The following PPP3CA variants were observed in gnomAD, a reference collection of about 807,000 sequenced individuals.
The protein encoded by PPP3CA is CAM-PRP catalytic subunit.
PPP3CA carries 14 observed loss-of-function variants against 66.5 expected under a neutral mutation model. That is an observed-to-expected ratio of 0.21 (90% CI 0.14 to 0.33). PPP3CA has a LOEUF of 0.33. PPP3CA is among the 10% of genes least tolerant of loss of function. PPP3CA has a pLI of 1.00. For synonymous variants in PPP3CA, 232 were observed against 226.2 expected (o/e 1.03, Z -0.23); for missense variants, 317 against 639.5 (o/e 0.50, Z 5.44).
At chr4:101,124,739 GAAAGAAAGAAAGAA>G (rs1722176288) in intron 2 of PPP3CA, among the ~76,000 whole-genome samples, 3 of 87,418 alleles carry the variant, frequency 3.4e-5, no homozygotes, top group South Asian at 4.5e-4. Context: ...AAGAAAGAAA[GAAAGAAAGAAAGAA>G]AGAAAGAAAG....
chr4:101,342,877 GCTA>G (rs1729860915), intron 1 of PPP3CA, among the ~76,000 whole-genome samples: 2 of 152,128 alleles, frequency 1.3e-5, no homozygotes, highest in African/African-American at 4.8e-5. Flanking sequence ...GTCTCACCCA[GCTA>G]GAAATACTAG....
At chr4:101,194,380 C>T (rs1265070016) in intron 2 of PPP3CA, among the ~76,000 whole-genome samples, 1 of 152,038 alleles carries the variant, frequency 6.6e-6, no homozygotes, top group Non-Finnish European at 1.5e-5. Context: ...TTAGCAATCA[C>T]TAATATATAT....
Position 101,052,103 on chromosome 4 carries a change from A to G in PPP3CA, c.1156+8984T>C, listed in dbSNP as rs1036750228. 2.9e-4 allele frequency among the ~76,000 whole-genome samples: 44 copies of G among 152,092 alleles called. 1 individual carries two copies. The highest frequency in any genetic ancestry group is 6.6e-5 in the Admixed American group (1 of 15,240). ...AAATTATGCCAGATAATTAAGAAACACATTTGTGCAATCATAGTAGTACAA... is the reference window on the plus strand; with the variant it reads ...AAATTATGCCAGATAATTAAGAAACGCATTTGTGCAATCATAGTAGTACAA... On this transcript the variant is annotated intron_variant, in intron 10 of 13. Transcript: ENST00000394854.
At chr4:101,276,476 T>C (rs1038479042) in intron 1 of PPP3CA, among the ~76,000 whole-genome samples, 1 of 152,248 alleles carries the variant, frequency 6.6e-6, no homozygotes, top group Non-Finnish European at 1.5e-5. Flanking sequence ...ATTCCTCTTA[T>C]GCCTTCTCAA....
At chr4:101,289,679 A>G (rs922133445) in intron 1 of PPP3CA, among the ~76,000 whole-genome samples, 1 of 152,056 alleles carries the variant, frequency 6.6e-6, no homozygotes, top group Non-Finnish European at 1.5e-5. Flanking sequence ...ACATTTTCAT[A>G]GATTTTTTTA....
intron 1 of PPP3CA, among the ~76,000 whole-genome samples, chr4:101,234,556 T>C (rs1477681241): frequency 6.6e-6 from 1 of 151,662 alleles, no homozygotes; most frequent in African/African-American, 2.4e-5. Flanking sequence ...TCTGTTCATG[T>C]CCTTTCCCCA....
intron 1 of PPP3CA, among the ~76,000 whole-genome samples, chr4:101,323,706 T>C (rs183259000): frequency 1.2e-4 from 18 of 152,348 alleles, no homozygotes; most frequent in Admixed American, 3.3e-4. Flanking sequence ...CAAATACTTA[T>C]ATAGCACTTA....
intron 1 of PPP3CA, among the ~76,000 whole-genome samples, chr4:101,273,296 CTT>C (rs879289931): frequency 3.4e-5 from 5 of 146,428 alleles, no homozygotes; most frequent in Non-Finnish European, 3.0e-5. Context: ...ATTAAAATTA[CTT>C]TTTTTTTTTT....
Position 101,099,629 on chromosome 4 carries a change from A to G in PPP3CA, c.478T>C (p.Phe160Leu). The G allele has an allele frequency of 6.3e-7, 1 of 1,581,656 alleles. No individual in the cohort carries two copies. The highest frequency in any genetic ancestry group is 1.8e-5 in the Admixed American group (1 of 56,490). Residue 160 changes from phenylalanine (F) to leucine (L), a missense_variant, in exon 4 of 14, where the codon TTC becomes CTC. Phe to Leu is a conservative substitution (Grantham distance 22, BLOSUM62 0). This residue lies in a region of PPP3CA where 201 missense variants were observed against 501.4 expected (regional missense o/e 0.40). Transcript: ENST00000394854. ...NHECRHLTEY[F>L]TFKQECKIKY... Reference sequence around the variant, plus strand: ...TACTTACATTCTTGTTTAAATGTGAAATACTCTGTTAGATGTCTACATTCA... The same window carrying G: ...TACTTACATTCTTGTTTAAATGTGAGATACTCTGTTAGATGTCTACATTCA...
At chr4:101,046,666 A>C (rs1727778652) in intron 10 of PPP3CA, among the ~76,000 whole-genome samples, 1 of 152,154 alleles carries the variant, frequency 6.6e-6, no homozygotes, top group Non-Finnish European at 1.5e-5. Flanking sequence ...ATTTGTTAAA[A>C]CTTGACAAAG....
intron 6 of PPP3CA, among the ~76,000 whole-genome samples, chr4:101,090,934 GTC>G (rs922915312): frequency 1.3e-5 from 1 of 76,602 alleles, no homozygotes; most frequent in African/African-American, 6.2e-5. Flanking sequence ...ACATATCTGT[GTC>G]TATATTATAA....
chr4:101,328,320 C>A (rs1244874040), intron 1 of PPP3CA, among the ~76,000 whole-genome samples: 1 of 152,212 alleles, frequency 6.6e-6, no homozygotes, highest in Non-Finnish European at 1.5e-5. Context: ...CAATCACCAT[C>A]TTTTCTTTCA....
At chr4:101,316,540 G>T (rs1728890983) in intron 1 of PPP3CA, among the ~76,000 whole-genome samples, 2 of 152,110 alleles carry the variant, frequency 1.3e-5, no homozygotes, top group African/African-American at 4.8e-5. Context: ...ACAGGGAGTT[G>T]GTTTAGGTAA....
intron 10 of PPP3CA, among the ~76,000 whole-genome samples, chr4:101,050,791 C>T (rs569096365): frequency 2.0e-5 from 3 of 152,224 alleles, no homozygotes; most frequent in South Asian, 2.1e-4. Flanking sequence ...TGCTAATGCA[C>T]GTAAAACAGA....
At chr4:101,242,114 T>C (rs1726330125) in intron 1 of PPP3CA, among the ~76,000 whole-genome samples, 1 of 152,100 alleles carries the variant, frequency 6.6e-6, no homozygotes, top group African/African-American at 2.4e-5. Context: ...TTTGTGTAGA[T>C]ATAAAAATGC....
intron 11 of PPP3CA, among the ~76,000 whole-genome samples, chr4:101,039,142 T>C (rs1560573713): frequency 6.9e-6 from 1 of 145,228 alleles, no homozygotes; most frequent in Admixed American, 6.9e-5. Flanking sequence ...ACAGGCCTCC[T>C]TGTGGTCCTC....
intron 2 of PPP3CA, among the ~76,000 whole-genome samples, chr4:101,115,178 C>T (rs1334060799): frequency 6.6e-6 from 1 of 152,002 alleles, no homozygotes; most frequent in African/African-American, 2.4e-5. Context: ...TAAGCTCTTG[C>T]AATACACAAA....
chr4:101,339,153 G>T (rs1037343618), intron 1 of PPP3CA, among the ~76,000 whole-genome samples: 1 of 152,290 alleles, frequency 6.6e-6, no homozygotes, highest in Admixed American at 6.5e-5. Flanking sequence ...GTTGGAGAAG[G>T]CAGCATTTCT....
Position 101,234,750 on chromosome 4 carries a change from G to C in PPP3CA, c.59-38634C>G, listed in dbSNP as rs573832463. On this transcript the variant is annotated intron_variant, in intron 1 of 13. Coordinates refer to ENST00000394854, the MANE Select transcript of PPP3CA (RefSeq NM_000944.5). ...GTTAAGGCAGTTCGCAGTTAATGCA[G>C]TGAGAAACTTACAGGCTCAAAGTAA... is the stretch of plus-strand genomic sequence containing the variant. 1.9e-4 allele frequency among the ~76,000 whole-genome samples: 29 copies of C among 151,898 alleles called. No individual in the cohort carries two copies. The East Asian group carries it at 5.1e-3, about 27-fold the overall frequency.
Sources: gnomAD v4.1 joint callset for allele counts (sites outside exome capture counted in the v4.1 genomes callset) on GRCh38, gnomAD v4.1.1 for gene constraint, gnomAD v4.1.1 regional missense constraint, MANE v1.5 for transcripts, NCBI Gene and HGNC (gene_info 2026-07-23, HGNC 2026-07-21) for gene names.